Variants in RAF1 observed in about 807,000 individuals in gnomAD.
RAF1 encodes the protein RAF proto-oncogene serine/threonine-protein kinase.
Under a neutral mutation model 81.1 loss-of-function variants are expected in RAF1, and 27 were observed. The ratio of observed to expected loss-of-function variants is 0.33; its 90% CI spans 0.25 to 0.46. The LOEUF (loss-of-function observed/expected upper bound fraction) is 0.46. Among genes scored for constraint, RAF1 ranks in the 20% least tolerant of loss-of-function variants. The probability of loss-of-function intolerance (pLI) is 1.00; values close to 1 mark genes in which losing one functional copy is unlikely to be tolerated. For synonymous variants in RAF1, 298 were observed against 294.0 expected (o/e 1.01, Z -0.14); for missense variants, 598 against 826.0 (o/e 0.72, Z 3.38).
chr3:12,590,616 C>T (rs1559407250), intron 13 of RAF1, 182 bp downstream of exon 12: 2 of 703,138 alleles, frequency 2.8e-6, no homozygotes, highest in East Asian at 5.6e-5. Context: ...GTGAGCCACC[C>T]CACCCAGCTG....
In RAF1 at chr3:12,600,246, T is replaced by A. The variant is rs866428774; in HGVS notation, c.956A>T (p.Asn319Ile). ...CTGTGACCAGCCTGTTGGGCTCAGA[T>A]TGTTGGGGCTACTGGACAGGGCTGA... Residue 319 changes from asparagine (N) to isoleucine (I), a missense_variant, in exon 10 of 18, where the codon AAT (asparagine) becomes ATT (isoleucine). Asn to Ile is a moderately radical substitution (Grantham distance 149). Transcript: ENST00000442415. The A allele has an allele frequency of 6.2e-7, 1 of 1,614,162 alleles. No individual in the cohort carries two copies. Among genetic ancestry groups the A allele is most frequent in the African/African-American group, 1.3e-5 (1 of 75,040 alleles).
At chr3:12,623,523 T>C (rs1439548773) in intron 1 of RAF1, among the ~76,000 whole-genome samples, 2 of 152,116 alleles carry the variant, frequency 1.3e-5, no homozygotes, top group Non-Finnish European at 2.9e-5. Context: ...AAGGGTTGGG[T>C]GCGGGGGCTC....
intron 1 of RAF1, 35 bp from the exon 2 acceptor site, chr3:12,618,782 CA>C: frequency 1.3e-6 from 2 of 1,526,916 alleles, no homozygotes; most frequent in Non-Finnish European, 1.8e-6. Context: ...AACTCTAGAA[CA>C]AAAGTATTCA....
intron 1 of RAF1, among the ~76,000 whole-genome samples, chr3:12,636,585 C>A (rs960958780): frequency 6.6e-6 from 1 of 151,516 alleles, no homozygotes; most frequent in African/African-American, 2.4e-5. Context: ...ATGAGGAAGA[C>A]TACTTGGGTC....
chr3:12,629,171 A>G (rs2059794492), intron 1 of RAF1, among the ~76,000 whole-genome samples: 1 of 152,112 alleles, frequency 6.6e-6, no homozygotes, highest in South Asian at 2.1e-4. Flanking sequence ...TAGAATCCAC[A>G]TGTTAAATAT....
At chr3:12,633,904 C>CA (rs1454156920) in intron 1 of RAF1, among the ~76,000 whole-genome samples, 1 of 143,080 alleles carries the variant, frequency 7.0e-6, no homozygotes, top group Non-Finnish European at 1.5e-5. Flanking sequence ...CATTGCACTC[C>CA]AGCCAGGGCA....
intron 8 of RAF1, chr3:12,603,364 A>G: frequency 3.6e-6 from 2 of 550,436 alleles, no homozygotes; most frequent in Non-Finnish European, 6.5e-6. Context: ...GAAACAAGTG[A>G]CAAGAAATAT....
At chr3:12,638,618 C>T (rs1178673996) in intron 1 of RAF1, among the ~76,000 whole-genome samples, 3 of 152,228 alleles carry the variant, frequency 2.0e-5, no homozygotes, top group Admixed American at 6.5e-5. Context: ...AAACCAAATA[C>T]ATTCTTGTTC....
intron 13 of RAF1, 198 bp from the exon 13 acceptor site, chr3:12,587,835 ACCT>A: frequency 4.9e-6 from 1 of 202,760 alleles, no homozygotes; most frequent in South Asian, 4.6e-5. Flanking sequence ...ACATGCTTAC[ACCT>A]TTTTTTTTTT....
intron 4 of RAF1, 139 bp downstream of exon 4, chr3:12,609,094 C>T (rs2059128356): frequency 1.4e-5 from 14 of 1,021,628 alleles, no homozygotes; most frequent in Non-Finnish European, 2.0e-5. Context: ...ATCTAAATTG[C>T]CTTACTGTAA....
At chr3:12,649,554 G>A (rs965115683) in intron 1 of RAF1, among the ~76,000 whole-genome samples, 14 of 151,456 alleles carry the variant, frequency 9.2e-5, no homozygotes, top group Admixed American at 7.9e-4. Flanking sequence ...AGCTATGATC[G>A]TGCCACTGCA....
chr3:12,589,595 A>G (rs1370799696), intron 13 of RAF1: 1 of 151,960 alleles, frequency 6.6e-6, no homozygotes, highest in East Asian at 1.9e-4. Context: ...GAGACCTCCG[A>G]CTCTACAAAA....
intron 1 of RAF1, among the ~76,000 whole-genome samples, chr3:12,657,570 G>A (rs1019596461): frequency 3.3e-5 from 5 of 151,948 alleles, no homozygotes; most frequent in African/African-American, 7.3e-5. Context: ...TCGGGAGTTC[G>A]AGACCAGTCT....
intron 13 of RAF1, 196 bp from the exon 13 acceptor site, chr3:12,587,833 A>C (rs2058374590): frequency 1.2e-5 from 3 of 248,734 alleles, no homozygotes; most frequent in East Asian, 4.3e-5. Flanking sequence ...AAACATGCTT[A>C]CACCTTTTTT....
At chr3:12,639,496 C>T (rs1437494595) in intron 1 of RAF1, among the ~76,000 whole-genome samples, 1 of 152,166 alleles carries the variant, frequency 6.6e-6, no homozygotes, top group East Asian at 1.9e-4. Flanking sequence ...CCAAAATCTC[C>T]TTAAGCTGAC....
At chr3:12,627,746 T>C (rs1392879039) in intron 1 of RAF1, among the ~76,000 whole-genome samples, 1 of 152,242 alleles carries the variant, frequency 6.6e-6, no homozygotes, top group Admixed American at 6.5e-5. Context: ...TCATGACTGT[T>C]ATGGTGTAAA....
intron 1 of RAF1, among the ~76,000 whole-genome samples, chr3:12,645,043 G>A (rs1235245078): frequency 6.9e-6 from 1 of 144,332 alleles, no homozygotes; most frequent in African/African-American, 2.6e-5. Flanking sequence ...AGGTTGCAGT[G>A]AGCCAAGAGC....
intron 3 of RAF1, among the ~76,000 whole-genome samples, chr3:12,610,390 G>A (rs2059172920): frequency 6.6e-6 from 1 of 152,282 alleles, no homozygotes; most frequent in Admixed American, 6.5e-5. Flanking sequence ...AGAGAAGGAG[G>A]ACAAGCCTTA....
Position 12,584,697 on chromosome 3 carries a change from C to CA in RAF1, c.1864-41dup, listed in dbSNP as rs776980209. The CA allele has an allele frequency of 1.9e-6, 3 of 1,613,304 alleles. No individual in the cohort carries two copies. In the African/African-American group the frequency reaches 4.0e-5, roughly 22 times the overall value. On this transcript the variant is annotated intron_variant, in intron 17 of 17. Coordinates refer to ENST00000442415, the MANE Select transcript of RAF1 (RefSeq NM_001354689.3). ...AAGAATGCTCTCATTAGCTGTGTCT[C>CA]AAAGACACAGGATGTACCCTGCCCC...
Sources: allele counts gnomAD v4.1 joint callset (sites outside exome capture counted in the v4.1 genomes callset), GRCh38; gene constraint gnomAD v4.1.1; transcripts MANE v1.5; gene names NCBI Gene and HGNC (gene_info 2026-07-23, HGNC 2026-07-21).